The following RUNX2 variants were observed in gnomAD, a reference collection of about 807,000 sequenced individuals.
The protein encoded by RUNX2 is RUNX family transcription factor 2.
Under a neutral mutation model 51.7 loss-of-function variants are expected in RUNX2, and 10 were observed. The observed-to-expected ratio is 0.19, with a 90% CI of 0.12 to 0.33. The LOEUF is 0.33. Ranked by LOEUF, RUNX2 falls within the 10% of genes least tolerant of loss-of-function variation. The pLI, the probability that RUNX2 is intolerant of heterozygous loss-of-function variation, is 1.00. For synonymous variants in RUNX2, 276 were observed against 273.6 expected (o/e 1.01, Z -0.09); for missense variants, 562 against 691.3 (o/e 0.81, Z 2.10).
At chr6:45,476,934 T>A (rs184389548) in intron 5 of RUNX2, among the ~76,000 whole-genome samples, 1 of 152,298 alleles carries the variant, frequency 6.6e-6, no homozygotes, top group East Asian at 1.9e-4. Flanking sequence ...GGAAATGCAT[T>A]TTCCATAGTC....
chr6:45,398,930 A>G (rs1797638198), intron 2 of RUNX2, among the ~76,000 whole-genome samples: 1 of 152,228 alleles, frequency 6.6e-6, no homozygotes, highest in African/African-American at 2.4e-5. Flanking sequence ...TATATTTAAT[A>G]TAATATCTAT....
At chr6:45,527,548 C>T (rs1340850731) in intron 7 of RUNX2, among the ~76,000 whole-genome samples, 2 of 152,102 alleles carry the variant, frequency 1.3e-5, no homozygotes, top group South Asian at 2.1e-4. Flanking sequence ...ATGTTTTCTC[C>T]CAATTGTTAG....
Position 45,547,068 on chromosome 6 carries a change from A to G in RUNX2, c.1329A>G (p.Pro443=), listed in dbSNP as rs1342325454. 8.1e-6 allele frequency: 13 copies of G among 1,613,836 alleles called. No homozygotes were observed. In the Admixed American group the frequency reaches 1.0e-4, roughly 12 times the overall value. Residue 443 remains proline (P), a synonymous_variant, in exon 9 of 9, where the codon CCA becomes CCG. Transcript: ENST00000647337. ...QSGPFQTSST[P]YLYYGTSSGS... ...GACCCTTCCAGACCAGCAGCACTCC[A>G]TATCTCTACTATGGCACTTCGTCAG... is the stretch of plus-strand genomic sequence containing the variant.
intron 5 of RUNX2, among the ~76,000 whole-genome samples, chr6:45,455,548 G>C (rs1044468555): frequency 5.3e-5 from 8 of 152,124 alleles, no homozygotes; most frequent in African/African-American, 1.9e-4. Context: ...AAATAACTTT[G>C]AGAGTCTAAC....
At chr6:45,512,012 C>A (rs896897864) in intron 6 of RUNX2, among the ~76,000 whole-genome samples, 3 of 152,042 alleles carry the variant, frequency 2.0e-5, no homozygotes, top group Non-Finnish European at 2.9e-5. Context: ...CTTTATGCAT[C>A]ATCCATTTTG....
intron 7 of RUNX2, among the ~76,000 whole-genome samples, chr6:45,521,495 T>C (rs1049098591): frequency 6.6e-6 from 1 of 152,246 alleles, no homozygotes; most frequent in Non-Finnish European, 1.5e-5. Flanking sequence ...AATAGAATTT[T>C]TGATTTCCAC....
intron 7 of RUNX2, among the ~76,000 whole-genome samples, chr6:45,517,971 A>T (rs1255172158): frequency 2.6e-5 from 4 of 152,188 alleles, no homozygotes; most frequent in African/African-American, 9.7e-5. Flanking sequence ...TTATATGTGA[A>T]CATTTATTTT....
At chr6:45,523,901 T>C (rs1262236310) in intron 7 of RUNX2, among the ~76,000 whole-genome samples, 1 of 151,732 alleles carries the variant, frequency 6.6e-6, no homozygotes, top group Non-Finnish European at 1.5e-5. Flanking sequence ...CACTGCACTC[T>C]AGCCTAGCAA....
chr6:45,422,866 C>T lies in RUNX2; in HGVS notation c.332C>T (p.Ala111Val), dbSNP rs1342614199. 6.2e-7 allele frequency: 1 copy of T among 1,611,910 alleles called. No homozygotes were observed. The highest frequency in any genetic ancestry group is 8.5e-7 in the Non-Finnish European group (1 of 1,179,566). Residue 111 changes from alanine to valine, a missense_variant, in exon 3 of 9, where the codon GCC (alanine) becomes GTC (valine). By Grantham distance (64) the Ala-to-Val change is moderately conservative (BLOSUM62 0). Transcript: ENST00000647337. ...GTGGAGATCATCGCCGACCACCCGG[C>T]CGAACTCGTCCGCACCGACAGCCCC... The part of the protein sequence containing the change: ...TMVEIIADHP[A>V]ELVRTDSPNF...
chr6:45,405,651 G>T (rs907853047), intron 2 of RUNX2, among the ~76,000 whole-genome samples: 9 of 152,152 alleles, frequency 5.9e-5, no homozygotes, highest in Admixed American at 5.2e-4. Flanking sequence ...TAGCCGGGCG[G>T]TGGTGGGCGC....
At chr6:45,485,942 T>C (rs1007765644) in intron 5 of RUNX2, among the ~76,000 whole-genome samples, 1 of 151,856 alleles carries the variant, frequency 6.6e-6, no homozygotes, top group Non-Finnish European at 1.5e-5. Flanking sequence ...AATTTTTTAT[T>C]ATGAAAAATT....
At chr6:45,545,867 G>A (rs1802383928) in intron 8 of RUNX2, among the ~76,000 whole-genome samples, 1 of 152,192 alleles carries the variant, frequency 6.6e-6, no homozygotes, top group Non-Finnish European at 1.5e-5. Flanking sequence ...TTAGGCACCA[G>A]AAACATCTAT....
At chr6:45,516,200 C>T (rs1563120116) in intron 7 of RUNX2, among the ~76,000 whole-genome samples, 2 of 152,134 alleles carry the variant, frequency 1.3e-5, no homozygotes, top group South Asian at 4.1e-4. Flanking sequence ...ATGTTACCTA[C>T]AATCCTTACT....
intron 2 of RUNX2, among the ~76,000 whole-genome samples, chr6:45,417,672 C>T (rs573306839): frequency 6.6e-6 from 1 of 152,254 alleles, no homozygotes; most frequent in African/African-American, 2.4e-5. Context: ...ATATTTTAGG[C>T]CTTGTGACTC....
At chr6:45,482,444 C>A (rs1800144348) in intron 5 of RUNX2, among the ~76,000 whole-genome samples, 1 of 152,206 alleles carries the variant, frequency 6.6e-6, no homozygotes, top group Admixed American at 6.5e-5. Flanking sequence ...TATAAAGGAA[C>A]TTGCATTTAT....
At chr6:45,485,697 G>GTGTGTATA (rs1219072282) in intron 5 of RUNX2, among the ~76,000 whole-genome samples, 9 of 104,032 alleles carry the variant, frequency 8.7e-5, no homozygotes, top group African/African-American at 3.4e-4. Context: ...GTGTGTGTGT[G>GTGTGTATA]TATATATATA....
At position 45,418,215 on chromosome 6, in the gene RUNX2, C is replaced by T. The variant is rs558775080; in HGVS notation, c.59-4378C>T. ...ATGTATGGGGGTTAGAAAAGGAAACCAGGATAAAAGGCCTATGGGTTCTGT... is the reference window on the plus strand; with the variant it reads ...ATGTATGGGGGTTAGAAAAGGAAACTAGGATAAAAGGCCTATGGGTTCTGT... On this transcript the variant is annotated intron_variant, in intron 2 of 8. Transcript: ENST00000647337. Among the ~76,000 whole-genome samples, 8 of 152,182 alleles carry T rather than the reference C, an allele frequency of 5.3e-5. No individual in the cohort carries two copies. The South Asian group carries it at 1.7e-3, about 32-fold the overall frequency.
intron 5 of RUNX2, among the ~76,000 whole-genome samples, chr6:45,457,507 T>C (rs1005091463): frequency 6.6e-5 from 10 of 150,694 alleles, no homozygotes; most frequent in Admixed American, 2.6e-4. Flanking sequence ...GGATGTAGAT[T>C]TGAAGACTCT....
At chr6:45,365,314 G>T in intron 2 of RUNX2, 2 of 1,572,612 alleles carry the variant, frequency 1.3e-6, no homozygotes, top group Non-Finnish European at 1.7e-6. Context: ...AAATAAAAAG[G>T]AGAAATAAAG....
Sources: gnomAD v4.1 joint callset for allele counts (sites outside exome capture counted in the v4.1 genomes callset) on GRCh38, gnomAD v4.1.1 for gene constraint, MANE v1.5 for transcripts, NCBI Gene and HGNC (gene_info 2026-07-23, HGNC 2026-07-21) for gene names.